The following KCNQ5 variants were observed in gnomAD, a reference collection of about 807,000 sequenced individuals.
KCNQ5 encodes the protein potassium voltage-gated channel subfamily KQT member 5.
In KCNQ5, 30 loss-of-function variants were observed where a neutral mutation model predicts 98.2. The ratio of observed to expected loss-of-function variants is 0.31; its 90% CI spans 0.23 to 0.41. The LOEUF (loss-of-function observed/expected upper bound fraction) is 0.41, where lower values mean the gene tolerates loss of function less well. Ranked by LOEUF, KCNQ5 falls within the 10% of genes least tolerant of loss-of-function variation. The probability of loss-of-function intolerance (pLI) is 1.00; values close to 1 mark genes in which losing one functional copy is unlikely to be tolerated. For synonymous variants in KCNQ5, 458 were observed against 449.4 expected (o/e 1.02, Z -0.24); for missense variants, 835 against 1,182.5 (o/e 0.71, Z 4.31).
In KCNQ5 at chr6:73,196,188, G is replaced by C. The variant is rs12662357; in HGVS notation, c.*774G>C. On this transcript the variant is annotated 3_prime_UTR_variant, in exon 14 of 14. Transcript: ENST00000370398. ...ATAAGTGGTCAACTTCTACACAAGC[G>C]TATGAAATACTGGTCAGTAGAACAG... The C allele has an allele frequency of 6.6e-6, 1 of 152,296 alleles. No homozygotes were observed. Among genetic ancestry groups the C allele is most frequent in the Non-Finnish European group, 1.5e-5 (1 of 68,110 alleles). The allele number at this position is 152,296 out of a possible 1,614,324, so 9.4% of individuals were successfully genotyped here.
intron 1 of KCNQ5, among the ~76,000 whole-genome samples, chr6:72,912,508 C>A (rs1779982205): frequency 6.6e-6 from 1 of 152,074 alleles, no homozygotes; most frequent in Non-Finnish European, 1.5e-5. Flanking sequence ...ATGCAAAATG[C>A]TCAGGCTTTG....
rs150882585 is a variant in KCNQ5 at position 72,790,158 on chromosome 6, A to C, written c.398+167571A>C. Among the ~76,000 whole-genome samples, 52 of 152,230 alleles carry C rather than the reference A, an allele frequency of 3.4e-4. No homozygotes were observed. In the East Asian group the frequency reaches 9.2e-3, roughly 27 times the overall value. ...CTGTTGATGCTTAAGAAGTTATACT[A>C]ACAAGTTTTTCTTTATTCTTCCTTG... On this transcript the variant is annotated intron_variant, in intron 1 of 13. Coordinates refer to ENST00000370398, the MANE Select transcript of KCNQ5 (RefSeq NM_019842.4).
chr6:72,769,485 C>T (rs1315548715), intron 1 of KCNQ5, among the ~76,000 whole-genome samples: 1 of 151,860 alleles, frequency 6.6e-6, no homozygotes, highest in Admixed American at 6.6e-5. Flanking sequence ...AAGCTCCACC[C>T]CAGATCAATT....
At chr6:73,166,606 A>G (rs1410625562) in intron 10 of KCNQ5, among the ~76,000 whole-genome samples, 1 of 151,980 alleles carries the variant, frequency 6.6e-6, no homozygotes, top group Admixed American at 6.6e-5. Context: ...AGCTGTATTC[A>G]TTTCTTGGGC....
chr6:73,177,587 C>G (rs937216533), intron 11 of KCNQ5, among the ~76,000 whole-genome samples: 1 of 152,174 alleles, frequency 6.6e-6, no homozygotes, highest in South Asian at 2.1e-4. Context: ...GGCAAGAATA[C>G]TCCGCAAGTA....
chr6:73,035,706 A>C (rs1390488101), intron 2 of KCNQ5, among the ~76,000 whole-genome samples: 2 of 152,224 alleles, frequency 1.3e-5, no homozygotes, highest in Admixed American at 6.5e-5. Context: ...CAGTGAAAAT[A>C]GACCCAGCAT....
chr6:72,695,045 CATTTT>C (rs1451965192), intron 1 of KCNQ5, among the ~76,000 whole-genome samples: 2 of 152,138 alleles, frequency 1.3e-5, no homozygotes, highest in Non-Finnish European at 2.9e-5. Flanking sequence ...TGGTTTCATT[CATTTT>C]TATGGCTGTG....
intron 1 of KCNQ5, among the ~76,000 whole-genome samples, chr6:72,963,928 A>G (rs879026215): frequency 6.6e-6 from 1 of 152,210 alleles, no homozygotes; most frequent in African/African-American, 2.4e-5. Context: ...TGCTGCAATT[A>G]CAGGTAAGAG....
chr6:72,897,688 G>A (rs1186063168), intron 1 of KCNQ5, among the ~76,000 whole-genome samples: 1 of 152,072 alleles, frequency 6.6e-6, no homozygotes, highest in African/African-American at 2.4e-5. Flanking sequence ...AATAGCGAAA[G>A]AAAAGGCAAA....
chr6:73,129,893 A>G (rs758733957), intron 9 of KCNQ5: 14 of 1,527,900 alleles, frequency 9.2e-6, no homozygotes, highest in Middle Eastern at 3.4e-4. Context: ...GAGAATGCCA[A>G]CTAACCTCAG....
At chr6:72,858,132 T>C (rs1348422984) in intron 1 of KCNQ5, among the ~76,000 whole-genome samples, 2 of 152,120 alleles carry the variant, frequency 1.3e-5, no homozygotes, top group African/African-American at 2.4e-5. Flanking sequence ...ATATATGGAG[T>C]ACACCTTAGA....
intron 1 of KCNQ5, among the ~76,000 whole-genome samples, chr6:72,796,044 G>A (rs992871080): frequency 6.6e-6 from 1 of 152,066 alleles, no homozygotes; most frequent in Non-Finnish European, 1.5e-5. Flanking sequence ...CAAATGTACA[G>A]TCACACACTC....
chr6:72,667,883 T>G (rs1313323094), intron 1 of KCNQ5, among the ~76,000 whole-genome samples: 1 of 152,112 alleles, frequency 6.6e-6, no homozygotes, highest in Non-Finnish European at 1.5e-5. Context: ...CCAATAATCT[T>G]CAAAAATTTC....
At chr6:73,086,659 C>T (rs1773999200) in intron 5 of KCNQ5, among the ~76,000 whole-genome samples, 1 of 152,064 alleles carries the variant, frequency 6.6e-6, no homozygotes, top group Non-Finnish European at 1.5e-5. Context: ...AAGCATTATG[C>T]TAGATGTTGG....
chr6:72,978,897 A>G (rs1159294974), intron 1 of KCNQ5, among the ~76,000 whole-genome samples: 2 of 152,002 alleles, frequency 1.3e-5, no homozygotes, highest in East Asian at 3.9e-4. Context: ...CTCATTGTTC[A>G]GTTCCCGCCT....
intron 1 of KCNQ5, among the ~76,000 whole-genome samples, chr6:72,780,650 G>A (rs966329008): frequency 6.6e-6 from 1 of 152,162 alleles, no homozygotes; most frequent in Non-Finnish European, 1.5e-5. Flanking sequence ...GACTTGGGGG[G>A]AGATATGAGA....
At chr6:72,733,741 G>A (rs934404239) in intron 1 of KCNQ5, among the ~76,000 whole-genome samples, 1 of 152,204 alleles carries the variant, frequency 6.6e-6, no homozygotes, top group Non-Finnish European at 1.5e-5. Flanking sequence ...TAAGTGCTGG[G>A]GAGGACAGCA....
chr6:72,889,231 G>T (rs1778966513), intron 1 of KCNQ5, among the ~76,000 whole-genome samples: 2 of 152,134 alleles, frequency 1.3e-5, no homozygotes, highest in South Asian at 4.1e-4. Context: ...TAAAGTTAAA[G>T]ACCCTGGAGT....
Position 72,639,246 on chromosome 6 carries a change from A to G in KCNQ5, c.398+16659A>G, listed in dbSNP as rs185757005. ...GAAAAACTAGGAAAATACAACATCC[A>G]CAGGAAGACTGTCTCTCAAAGGATT... On this transcript the variant is annotated intron_variant, in intron 1 of 13. Transcript: ENST00000370398. Among the ~76,000 whole-genome samples the G allele has an allele frequency of 7.2e-4, 109 of 152,370 alleles. 1 individual carries two copies. Among genetic ancestry groups the G allele is most frequent in the Admixed American group, 2.0e-3 (31 of 15,304 alleles).
Sources: gnomAD v4.1 joint callset for allele counts (sites outside exome capture counted in the v4.1 genomes callset) on GRCh38, gnomAD v4.1.1 for gene constraint, MANE v1.5 for transcripts, NCBI Gene and HGNC (gene_info 2026-07-23, HGNC 2026-07-21) for gene names.